NPAS2: variants seen among roughly 807,000 people sequenced by gnomAD.
NPAS2 encodes neuronal PAS domain protein 2.
NPAS2 carries 23 observed loss-of-function variants against 107.5 expected under a neutral mutation model. That is an observed-to-expected ratio of 0.21 (90% CI 0.15 to 0.30). The LOEUF is 0.30. NPAS2 is among the 10% of genes least tolerant of loss of function. The probability of loss-of-function intolerance (pLI) is 1.00; values close to 1 mark genes in which losing one functional copy is unlikely to be tolerated. For missense variants in NPAS2, 756 were observed against 1,043.3 expected (o/e 0.72, Z 3.79); for synonymous variants, 403 against 417.5 (o/e 0.97, Z 0.42).
chr2:100,853,703 T>G (rs933751335), intron 1 of NPAS2, among the ~76,000 whole-genome samples: 3 of 151,982 alleles, frequency 2.0e-5, no homozygotes, highest in African/African-American at 7.3e-5. Flanking sequence ...GGCAGTGAGG[T>G]AAGACGGTGG....
rs947993522 is a variant in NPAS2, at chr2:100,848,865, T to G, written c.-23+28451T>G. On this transcript the variant is annotated intron_variant, in intron 1 of 20. Coordinates refer to ENST00000335681, the MANE Select transcript of NPAS2 (RefSeq NM_002518.4). Reference sequence around the variant, plus strand: ...ATAATTCTATTTGGGGAAAATCTTGTGGTTGTTTGTCCCAAATCGCCCTGA... The same window carrying G: ...ATAATTCTATTTGGGGAAAATCTTGGGGTTGTTTGTCCCAAATCGCCCTGA... Among the ~76,000 whole-genome samples, 3 of 152,352 alleles carry G rather than the reference T, an allele frequency of 2.0e-5. No homozygotes were observed. The East Asian group carries it at 5.8e-4, about 29-fold the overall frequency.
chr2:100,870,101 G>C, intron 1 of NPAS2, among the ~76,000 whole-genome samples: 1 of 151,914 alleles, frequency 6.6e-6, no homozygotes, highest in Middle Eastern at 3.4e-3. Flanking sequence ...GGGTTTCACC[G>C]TGTTAGCCAG....
At chr2:100,855,726 A>C (rs1279838913) in intron 1 of NPAS2, among the ~76,000 whole-genome samples, 1 of 152,174 alleles carries the variant, frequency 6.6e-6, no homozygotes, top group Non-Finnish European at 1.5e-5. Context: ...AGCCAGGCAT[A>C]GGGCCGAATT....
At chr2:100,971,868 A>AT (rs1676590922) in intron 12 of NPAS2, among the ~76,000 whole-genome samples, 1 of 151,790 alleles carries the variant, frequency 6.6e-6, no homozygotes, top group African/African-American at 2.4e-5. Flanking sequence ...GAAAAAAAAA[A>AT]GCAAGAAAGG....
At chr2:100,879,436 G>A (rs943942798) in intron 1 of NPAS2, among the ~76,000 whole-genome samples, 1 of 152,076 alleles carries the variant, frequency 6.6e-6, no homozygotes, top group African/African-American at 2.4e-5. Context: ...CTCTAGCCTT[G>A]CTGACCCCCC....
intron 3 of NPAS2, among the ~76,000 whole-genome samples, chr2:100,925,519 A>G (rs68128009): frequency 0.16 from 23,770 of 152,144 alleles, 2,031 homozygotes; most frequent in Middle Eastern, 0.18. Flanking sequence ...AGACGAGAGA[A>G]TCCAAAACAA....
At chr2:100,908,740 T>A (rs868159295) in intron 2 of NPAS2, among the ~76,000 whole-genome samples, 5 of 152,206 alleles carry the variant, frequency 3.3e-5, no homozygotes, top group Non-Finnish European at 7.3e-5. Context: ...GTCCATGACC[T>A]CCTCTCTCCA....
chr2:100,875,412 T>C (rs937427022), intron 1 of NPAS2, among the ~76,000 whole-genome samples: 2 of 152,160 alleles, frequency 1.3e-5, no homozygotes, highest in East Asian at 3.8e-4. Flanking sequence ...TTTAATTATA[T>C]GTATTTTACC....
intron 1 of NPAS2, among the ~76,000 whole-genome samples, chr2:100,880,146 T>C (rs1016852739): frequency 1.1e-4 from 16 of 152,084 alleles, no homozygotes; most frequent in African/African-American, 3.9e-4. Context: ...TATGGAGAGA[T>C]TGGAACACTC....
rs779511699 is a variant in NPAS2, at chr2:100,982,392, G to A, written c.1629+15G>A. The A allele has an allele frequency of 9.9e-6, 16 of 1,612,608 alleles. No individual in the cohort carries two copies. In the Admixed American group the frequency reaches 1.3e-4, roughly 13 times the overall value. On this transcript the variant is annotated intron_variant, in intron 16 of 20. Transcript: ENST00000335681. ...CCAACGTCCAGGTGATCCCCTTCCC[G>A]GGCTGGCCTCTGTCCCTGCTGCTGT...
intron 1 of NPAS2, among the ~76,000 whole-genome samples, chr2:100,834,241 G>A (rs550095513): frequency 6.6e-6 from 1 of 152,252 alleles, no homozygotes; most frequent in South Asian, 2.1e-4. Flanking sequence ...GGCTTTCTGG[G>A]CTCAGCCGGC....
Position 100,859,507 on chromosome 2 carries a change from C to T in NPAS2, c.-23+39093C>T, listed in dbSNP as rs117644957. ...ATCACCTTGTGATGGGGAGTTCGGT[C>T]CAGTCTAGGGGACAGGGGTGGCCCT... On this transcript the variant is annotated intron_variant, in intron 1 of 20. Coordinates refer to ENST00000335681, the MANE Select transcript of NPAS2 (RefSeq NM_002518.4). Among the ~76,000 whole-genome samples, 140 of 152,200 alleles carry T rather than the reference C, an allele frequency of 9.2e-4. 2 individuals carry two copies. In the East Asian group the frequency reaches 0.021, roughly 23 times the overall value.
At chr2:100,897,830 G>C (rs1038691256) in intron 1 of NPAS2, among the ~76,000 whole-genome samples, 1 of 152,188 alleles carries the variant, frequency 6.6e-6, no homozygotes, top group Non-Finnish European at 1.5e-5. Flanking sequence ...TGAGAGTAGC[G>C]GCTTTGCTCA....
chr2:100,964,017 A>T (rs371801744), intron 7 of NPAS2, 41 bp from the exon 8 acceptor site: 18 of 1,331,992 alleles, frequency 1.4e-5, no homozygotes, highest in Non-Finnish European at 1.9e-5. Flanking sequence ...CTGTCACCAG[A>T]CAGGGCTAAC....
At chr2:100,862,138 A>T (rs1248196968) in intron 1 of NPAS2, among the ~76,000 whole-genome samples, 1 of 152,224 alleles carries the variant, frequency 6.6e-6, no homozygotes, top group African/African-American at 2.4e-5. Context: ...CTCACAACCT[A>T]TCGGATGGGT....
chr2:100,856,600 G>A (rs1214801202), intron 1 of NPAS2, among the ~76,000 whole-genome samples: 1 of 151,766 alleles, frequency 6.6e-6, no homozygotes, highest in Non-Finnish European at 1.5e-5. Flanking sequence ...GAAAAGAAGT[G>A]GAAATAATGC....
At chr2:100,879,986 G>T (rs1278430554) in intron 1 of NPAS2, among the ~76,000 whole-genome samples, 1 of 152,220 alleles carries the variant, frequency 6.6e-6, no homozygotes, top group Non-Finnish European at 1.5e-5. Context: ...AAGAAGTGGG[G>T]AGCAACTGAA....
At chr2:100,926,371 G>C (rs1304890289) in intron 3 of NPAS2, among the ~76,000 whole-genome samples, 1 of 152,162 alleles carries the variant, frequency 6.6e-6, no homozygotes, top group African/African-American at 2.4e-5. Context: ...AAGGTGGCTT[G>C]TACCTATTTA....
chr2:100,937,683 C>T (rs1478364487), intron 4 of NPAS2, 70 bp from the exon 5 acceptor site: 2 of 1,061,396 alleles, frequency 1.9e-6, no homozygotes, highest in Non-Finnish European at 3.0e-6. Flanking sequence ...AAATAGTGTC[C>T]TCTGCATCAG....
Sources: gnomAD v4.1 joint callset for allele counts (sites outside exome capture counted in the v4.1 genomes callset) on GRCh38, gnomAD v4.1.1 for gene constraint, MANE v1.5 for transcripts, NCBI Gene and HGNC (gene_info 2026-07-23, HGNC 2026-07-21) for gene names.